The following NXPH1 variants were observed in gnomAD, a reference collection of about 807,000 sequenced individuals.
The protein encoded by NXPH1 is neurexophilin 1.
NXPH1 carries 5 observed loss-of-function variants against 23.7 expected under a neutral mutation model. The observed-to-expected ratio is 0.21, with a 90% CI of 0.11 to 0.44. The LOEUF (loss-of-function observed/expected upper bound fraction) is 0.44. Ranked by LOEUF, NXPH1 falls within the 20% of genes least tolerant of loss-of-function variation. NXPH1 has a pLI of 0.99. For synonymous variants in NXPH1, 144 were observed against 122.2 expected, an observed-to-expected ratio of 1.18 and a Z score of -1.18; for missense variants, 324 against 321.6, an observed-to-expected ratio of 1.01 and a Z score of -0.06.
chr7:8,538,000 G>C (rs747932749), intron 2 of NXPH1, among the ~76,000 whole-genome samples: 1 of 151,866 alleles, frequency 6.6e-6, no homozygotes, highest in Non-Finnish European at 1.5e-5. Flanking sequence ...GGCTACCAAT[G>C]ATAGTAACAA....
intron 2 of NXPH1, among the ~76,000 whole-genome samples, chr7:8,485,037 T>A (rs1173758531): frequency 3.3e-5 from 5 of 152,106 alleles, no homozygotes; most frequent in Non-Finnish European, 7.3e-5. Context: ...TGAATTCCCA[T>A]CAGCCACAGG....
chr7:8,462,787 T>C (rs950745743), intron 2 of NXPH1, among the ~76,000 whole-genome samples: 4 of 152,244 alleles, frequency 2.6e-5, no homozygotes, highest in African/African-American at 7.2e-5. Flanking sequence ...CCTTTGCATA[T>C]TTCATTTATC....
intron 2 of NXPH1, among the ~76,000 whole-genome samples, chr7:8,724,839 C>CT (rs543289621): frequency 4.4e-4 from 67 of 152,258 alleles, no homozygotes; most frequent in Non-Finnish European, 5.9e-4. Flanking sequence ...GGCTAAACAT[C>CT]TTTTTTCATT....
At chr7:8,615,760 A>C (rs1334288497) in intron 2 of NXPH1, among the ~76,000 whole-genome samples, 2 of 152,098 alleles carry the variant, frequency 1.3e-5, no homozygotes, top group Non-Finnish European at 2.9e-5. Context: ...GTAACACACC[A>C]GTGGAGAAGA....
chr7:8,681,740 T>G (rs778711121), intron 2 of NXPH1, among the ~76,000 whole-genome samples: 3 of 152,208 alleles, frequency 2.0e-5, no homozygotes, highest in Admixed American at 2.0e-4. Context: ...TAGTACAGTG[T>G]GGCTGTTTTT....
intron 2 of NXPH1, among the ~76,000 whole-genome samples, chr7:8,577,830 T>A (rs1288205072): frequency 6.6e-6 from 1 of 152,184 alleles, no homozygotes; most frequent in African/African-American, 2.4e-5. Context: ...CTTGAATCAC[T>A]TGCTCCTTGA....
In NXPH1 at chr7:8,606,880, T is replaced by C. The variant is rs73054627; in HGVS notation, c.55-144128T>C. On this transcript the variant is annotated intron_variant, in intron 2 of 2. Transcript: ENST00000405863. Reference sequence around the variant, plus strand: ...GGATTAGATGATGAGAACATATAGTTTCTTGAAAATATTTTTATTTTTTTC... The same window carrying C: ...GGATTAGATGATGAGAACATATAGTCTCTTGAAAATATTTTTATTTTTTTC... Among the ~76,000 whole-genome samples, 758 of 152,018 alleles carry C rather than the reference T, an allele frequency of 5.0e-3. 1 individual carries two copies. Among genetic ancestry groups the C allele is most frequent in the Non-Finnish European group, 7.5e-3 (508 of 68,002 alleles).
intron 2 of NXPH1, among the ~76,000 whole-genome samples, chr7:8,636,425 A>G (rs1404202725): frequency 6.6e-6 from 1 of 152,220 alleles, no homozygotes; most frequent in Non-Finnish European, 1.5e-5. Context: ...TTTTCAAGCC[A>G]CTTTCTCCCC....
chr7:8,714,059 GCAGTCTAGGATC>G (rs1375757960), intron 2 of NXPH1, among the ~76,000 whole-genome samples: 2 of 152,190 alleles, frequency 1.3e-5, no homozygotes, highest in African/African-American at 2.4e-5. Flanking sequence ...GTTCAGAAAT[GCAGTCTAGGATC>G]CAGGGTCTAG....
intron 2 of NXPH1, among the ~76,000 whole-genome samples, chr7:8,635,036 G>T (rs1167406870): frequency 6.6e-6 from 1 of 152,118 alleles, no homozygotes; most frequent in Non-Finnish European, 1.5e-5. Flanking sequence ...TGGGAGTTTT[G>T]AACAATAGCT....
At chr7:8,698,900 T>G (rs1369673854) in intron 2 of NXPH1, among the ~76,000 whole-genome samples, 1 of 152,180 alleles carries the variant, frequency 6.6e-6, no homozygotes, top group Non-Finnish European at 1.5e-5. Flanking sequence ...TTCATTACCA[T>G]TATACCATTA....
chr7:8,588,040 A>G (rs1208199687), intron 2 of NXPH1, among the ~76,000 whole-genome samples: 2 of 152,228 alleles, frequency 1.3e-5, no homozygotes, highest in Non-Finnish European at 2.9e-5. Context: ...AATCAAAATG[A>G]CAATGAGATA....
intron 2 of NXPH1, among the ~76,000 whole-genome samples, chr7:8,486,197 C>A (rs776071261): frequency 1.8e-4 from 27 of 152,286 alleles, no homozygotes; most frequent in Non-Finnish European, 3.1e-4. Context: ...GAAGGAAGAA[C>A]TAGACAGAAT....
rs1462393382 is a variant in NXPH1 at position 8,719,173 on chromosome 7, T to C, written c.55-31835T>C. ...TATTCATTTGGCAGATATACCTCTA[T>C]AGCACAACTGGATAGTTGTTTTAAA... On this transcript the variant is annotated intron_variant, in intron 2 of 2. Coordinates refer to ENST00000405863, the MANE Select transcript of NXPH1 (RefSeq NM_152745.3). Among the ~76,000 whole-genome samples, 5 of 152,230 alleles carry C rather than the reference T, an allele frequency of 3.3e-5. No homozygotes were observed. The East Asian group carries it at 9.6e-4, about 29-fold the overall frequency.
chr7:8,496,138 G>C (rs1817334236), intron 2 of NXPH1, among the ~76,000 whole-genome samples: 1 of 152,038 alleles, frequency 6.6e-6, no homozygotes. Flanking sequence ...TGGAGAGTCA[G>C]CTTCAAAATC....
chr7:8,494,030 GTTCT>G (rs1294296444), intron 2 of NXPH1, among the ~76,000 whole-genome samples: 1 of 151,970 alleles, frequency 6.6e-6, no homozygotes, highest in Non-Finnish European at 1.5e-5. Flanking sequence ...AATTAGAAAA[GTTCT>G]TTCTTATGTA....
intron 2 of NXPH1, among the ~76,000 whole-genome samples, chr7:8,679,938 T>A (rs1821025724): frequency 6.6e-6 from 1 of 152,234 alleles, no homozygotes; most frequent in African/African-American, 2.4e-5. Context: ...GTAGAATTGC[T>A]TGAACCCAGG....
chr7:8,747,703 G>A (rs1245508213), intron 2 of NXPH1, among the ~76,000 whole-genome samples: 1 of 152,146 alleles, frequency 6.6e-6, no homozygotes, highest in Non-Finnish European at 1.5e-5. Context: ...ACTGTGATAA[G>A]GGCAATGCTT....
intron 2 of NXPH1, among the ~76,000 whole-genome samples, chr7:8,708,271 C>T (rs1440044711): frequency 1.3e-5 from 2 of 152,136 alleles, no homozygotes; most frequent in Non-Finnish European, 2.9e-5. Flanking sequence ...CTTTGCTTAT[C>T]TAGGTGTTCT....
Sources: gnomAD v4.1 joint callset for allele counts (sites outside exome capture counted in the v4.1 genomes callset) on GRCh38, gnomAD v4.1.1 for gene constraint, MANE v1.5 for transcripts, NCBI Gene and HGNC (gene_info 2026-07-23, HGNC 2026-07-21) for gene names.